Variants in KDM6B observed in about 807,000 individuals in gnomAD.
The protein encoded by KDM6B is lysine-specific demethylase 6B.
Under a neutral mutation model 150.4 loss-of-function variants are expected in KDM6B, and 22 were observed. That is an observed-to-expected ratio of 0.15 (90% confidence interval 0.10 to 0.21). The LOEUF is 0.21. Ranked by LOEUF, KDM6B falls within the 10% of genes least tolerant of loss-of-function variation. The probability of loss-of-function intolerance (pLI) is 1.00; values close to 1 mark genes in which losing one functional copy is unlikely to be tolerated. For missense variants in KDM6B, 1,984 were observed against 2,234.3 expected (o/e 0.89, Z 2.26); for synonymous variants, 1,148 against 921.1 (o/e 1.25, Z -4.46).
In KDM6B at chr17:7,853,605, C is replaced by CCAGGCA; in HGVS notation, c.*84_*85insCAGGCA. 9.0e-7 allele frequency: 1 copy of CCAGGCA among 1,112,966 alleles called. No individual in the cohort carries two copies. The highest frequency in any genetic ancestry group is 1.2e-6 in the Non-Finnish European group (1 of 856,680). 68.9% of individuals were successfully genotyped at this position (1,112,966 alleles called of 1,614,324 possible). A position where few individuals can be genotyped will look rare whatever the true frequency, so the allele number is the denominator to read the frequency against. ...TGCCTGGGCTGGACCTAGGTCCCGC[C>CCAGGCA]TGTGGCCGAGAAGGGGGTCGGGCCC... is the stretch of plus-strand genomic sequence containing the variant. On this transcript the variant is annotated 3_prime_UTR_variant, in exon 24 of 24. Coordinates refer to ENST00000448097, the MANE Select transcript of KDM6B (RefSeq NM_001348716.2).
In KDM6B at chr17:7,852,622, G is replaced by A. The variant is rs202039918; in HGVS notation, c.4596G>A (p.Leu1532=). 4.3e-5 allele frequency: 69 copies of A among 1,613,960 alleles called. No homozygotes were observed. Among genetic ancestry groups the A allele is most frequent in the Non-Finnish European group, 5.9e-6 (7 of 1,180,042 alleles). ...CGGTCAAAATCAGCGACCCCGACTT[G>A]TTCAAGATGATCAAGTGAGGACCCT... ...ARTVKISDPD[L]FKMIKFCLLQ... Residue 1532 remains leucine, a synonymous_variant, in exon 21 of 24, where the codon TTG becomes TTA. Coordinates refer to ENST00000448097, the MANE Select transcript of KDM6B (RefSeq NM_001348716.2).
rs1345745242 is a variant in KDM6B, at chr17:7,847,608, C to T, written c.1320C>T (p.Pro440=). The T allele has an allele frequency of 5.0e-6, 8 of 1,612,424 alleles. No individual in the cohort carries two copies. In the East Asian group the frequency reaches 1.3e-4, roughly 27 times the overall value. The change falls in exon 12 of 24, where the codon CCC becomes CCT. Residue 440 remains proline (P), a synonymous_variant. Coordinates refer to ENST00000448097, the MANE Select transcript of KDM6B (RefSeq NM_001348716.2). The part of the protein sequence containing the change: ...LEVSHHGRLG[P]SAHSSRKPFL... ...TCTCTCACCATGGCCGCCTGGGGCC[C>T]TCGGCACACAGCAGTCGGAAACCGT...
In KDM6B at chr17:7,853,538, CGCCT is replaced by C. The variant is rs757314591; in HGVS notation, c.*25_*28del. ...TCGCGATGAGGCCGGACGCCCCGCCCGCCTGCCTGCCCGCGCAAGGCGCCGCGGG... is the reference window on the plus strand; with the variant it reads ...TCGCGATGAGGCCGGACGCCCCGCCCGCCTGCCCGCGCAAGGCGCCGCGGG... On this transcript the variant is annotated 3_prime_UTR_variant, in exon 24 of 24. Coordinates refer to ENST00000448097, the MANE Select transcript of KDM6B (RefSeq NM_001348716.2). 1.4e-6 allele frequency: 2 copies of C among 1,437,612 alleles called. No individual in the cohort carries two copies. Among genetic ancestry groups the C allele is most frequent in the East Asian group, 3.1e-5 (1 of 32,694 alleles). The allele number at this position is 1,437,612 out of a possible 1,614,324, so 89.1% of individuals were successfully genotyped here.
Position 7,846,449 on chromosome 17 carries a change from T to C in KDM6B, c.506T>C (p.Val169Ala). Reference sequence around the variant, plus strand: ...GGCTCCTGCCAGCACCGAGCCAAGGTCCTGCCCCCACTGGAGCAAGTGTGG... The same window carrying C: ...GGCTCCTGCCAGCACCGAGCCAAGGCCCTGCCCCCACTGGAGCAAGTGTGG... ...HTGSCQHRAK[V>A]LPPLEQVWNL... The change falls in exon 8 of 24, where the codon GTC (valine) becomes GCC (alanine). Residue 169 changes from valine (V) to alanine (A), a missense_variant. Around this residue, in one of 13 missense-constraint regions of KDM6B, gnomAD observed 337 missense variants for 323.9 expected, o/e 1.04. Transcript: ENST00000448097. The C allele has an allele frequency of 6.3e-7, 1 of 1,576,984 alleles. No individual in the cohort carries two copies. Among genetic ancestry groups the C allele is most frequent in the South Asian group, 1.1e-5 (1 of 90,362 alleles).
At chr17:7,838,220 G>C (rs1325358027) in intron 1 of KDM6B, among the ~76,000 whole-genome samples, 25 of 78,248 alleles carry the variant, frequency 3.2e-4, no homozygotes, top group Admixed American at 1.2e-4. Context: ...TGGGTGGAGA[G>C]AGACTAGTGC....
chr17:7,849,483 G>C lies in KDM6B; in HGVS notation c.3195G>C (p.Pro1065=), dbSNP rs372614245. 1.9e-6 allele frequency: 3 copies of C among 1,612,586 alleles called. No individual in the cohort carries two copies. The highest frequency in any genetic ancestry group is 2.5e-6 in the Non-Finnish European group (3 of 1,179,892). The change falls in exon 12 of 24, where the codon CCG becomes CCC. Residue 1065 remains proline, a synonymous_variant. Coordinates refer to ENST00000448097, the MANE Select transcript of KDM6B (RefSeq NM_001348716.2). The part of the protein sequence containing the change: ...APAPSAQPTP[P]SASVPGKKAR... Reference sequence around the variant, plus strand: ...CACCTTCTGCCCAGCCCACACCCCCGTCAGCCTCTGTCCCTGGAAAGAAGG... The same window carrying C: ...CACCTTCTGCCCAGCCCACACCCCCCTCAGCCTCTGTCCCTGGAAAGAAGG...
chr17:7,847,573 G>T lies in KDM6B; in HGVS notation c.1285G>T (p.Ala429Ser). ...CGGCGCTGACCATTACCAAACTCCC[G>T]CGCTGGAGGTCTCTCACCATGGCCG... ...IPGADHYQTP[A>S]LEVSHHGRLG... The change falls in exon 12 of 24, where the codon GCG becomes TCG. Residue 429 changes from alanine to serine, a missense_variant. This residue lies in a region of KDM6B where 1,379 missense variants were observed against 1,275.6 expected (regional missense o/e 1.08). Coordinates refer to ENST00000448097, the MANE Select transcript of KDM6B (RefSeq NM_001348716.2). The T allele has an allele frequency of 1.2e-6, 2 of 1,613,204 alleles. No homozygotes were observed. Among genetic ancestry groups the T allele is most frequent in the South Asian group, 2.2e-5 (2 of 91,074 alleles).
chr17:7,852,346 T>G lies in KDM6B; in HGVS notation c.4468+10T>G, dbSNP rs973471057. On this transcript the variant is annotated intron_variant, in intron 20 of 23. Transcript: ENST00000448097. ...GTGGGGCCCCTCACCGGTGAGAGGGTGGGGCAGGTGTTGGCGTGGTGTGGC... is the reference window on the plus strand; with the variant it reads ...GTGGGGCCCCTCACCGGTGAGAGGGGGGGGCAGGTGTTGGCGTGGTGTGGC... The G allele has an allele frequency of 1.9e-6, 3 of 1,607,058 alleles. No homozygotes were observed. The highest frequency in any genetic ancestry group is 2.5e-6 in the Non-Finnish European group (3 of 1,177,612).
chr17:7,848,678 C>T lies in KDM6B; in HGVS notation c.2390C>T (p.Pro797Leu). Residue 797 changes from proline to leucine, a missense_variant, in exon 12 of 24, where the codon CCC (proline) becomes CTC (leucine). This residue lies in a region of KDM6B where 1,379 missense variants were observed against 1,275.6 expected (regional missense o/e 1.08). Coordinates refer to ENST00000448097, the MANE Select transcript of KDM6B (RefSeq NM_001348716.2). ...CAGCCACAGCCACCACCACCCCCACCCCCCAGCCCGGCCAGCCTGCTCAAA... is the reference window on the plus strand; with the variant it reads ...CAGCCACAGCCACCACCACCCCCACTCCCCAGCCCGGCCAGCCTGCTCAAA... ...PSQPQPPPPP[P>L]PSPASLLKSL... is the part of the protein sequence containing the mutation. The T allele has an allele frequency of 6.2e-7, 1 of 1,611,188 alleles. No homozygotes were observed. Among genetic ancestry groups the T allele is most frequent in the Non-Finnish European group, 8.5e-7 (1 of 1,179,542 alleles).
At chr17:7,851,591 G>A in intron 17 of KDM6B, 42 bp downstream of exon 17, 2 of 1,611,758 alleles carry the variant, frequency 1.2e-6, no homozygotes, top group Non-Finnish European at 1.7e-6. Context: ...CAGGAGTGCT[G>A]CTAGGACCTC....
Position 7,847,310 on chromosome 17 carries a change from C to T in KDM6B, c.1115C>T (p.Ser372Phe), listed in dbSNP as rs2078572318. ...ESRVQRSRMD[S>F]SVSPAATTAC... ...AGAGTTCAGAGGTCGCGGATGGACT[C>T]CAGCGTTTCACCAGCAGCAACCACC... The change falls in exon 11 of 24, where the codon TCC (serine) becomes TTC (phenylalanine). Residue 372 changes from serine (S) to phenylalanine (F), a missense_variant. Physicochemically the swap from Ser to Phe is radical, Grantham distance 155. This residue lies in a region of KDM6B where 1,379 missense variants were observed against 1,275.6 expected (regional missense o/e 1.08). Coordinates refer to ENST00000448097, the MANE Select transcript of KDM6B (RefSeq NM_001348716.2). 1.2e-6 allele frequency: 2 copies of T among 1,607,510 alleles called. No individual in the cohort carries two copies. The highest frequency in any genetic ancestry group is 1.3e-5 in the African/African-American group (1 of 74,928).
At position 7,851,932 on chromosome 17, in the gene KDM6B, T is replaced by A. The variant is rs772241212; in HGVS notation, c.4166-19T>A. The A allele has an allele frequency of 1.9e-6, 3 of 1,612,394 alleles. No individual in the cohort carries two copies. The highest frequency in any genetic ancestry group is 2.5e-6 in the Non-Finnish European group (3 of 1,178,990). On this transcript the variant is annotated intron_variant, in intron 18 of 23. Coordinates refer to ENST00000448097, the MANE Select transcript of KDM6B (RefSeq NM_001348716.2). ...GTTCCGACCTGGCCAGCCATGCCGTTCTCTGTCGACCCCTGCAGGCCACCA... is the reference window on the plus strand; with the variant it reads ...GTTCCGACCTGGCCAGCCATGCCGTACTCTGTCGACCCCTGCAGGCCACCA...
chr17:7,841,537 GAC>G (rs1351199223), intron 2 of KDM6B, among the ~76,000 whole-genome samples: 1 of 152,206 alleles, frequency 6.6e-6, no homozygotes, highest in African/African-American at 2.4e-5. Context: ...GAGCTAGGCA[GAC>G]ACACAGACAG....
At chr17:7,836,348 G>A (rs984679563) in intron 1 of KDM6B, among the ~76,000 whole-genome samples, 2 of 152,128 alleles carry the variant, frequency 1.3e-5, no homozygotes, top group African/African-American at 4.8e-5. Flanking sequence ...GTCCTTCTTC[G>A]CTTCTCCCGG....
intron 14 of KDM6B, 79 bp downstream of exon 14, chr17:7,850,256 T>C: frequency 8.4e-7 from 1 of 1,188,496 alleles, no homozygotes; most frequent in Non-Finnish European, 1.2e-6. Flanking sequence ...AATCCCACAC[T>C]TGAAGACTCA....
rs2078775348 is a variant in KDM6B, at chr17:7,854,657, G to C, written c.*1136G>C. On this transcript the variant is annotated 3_prime_UTR_variant, in exon 24 of 24. Coordinates refer to ENST00000448097, the MANE Select transcript of KDM6B (RefSeq NM_001348716.2). Reference sequence around the variant, plus strand: ...TTTCTCCACGCTGGGGCTGCGGAGGGGTGGGGGGTTTACAGTCCCGCACCC... The same window carrying C: ...TTTCTCCACGCTGGGGCTGCGGAGGCGTGGGGGGTTTACAGTCCCGCACCC... 6.3e-6 allele frequency: 1 copy of C among 158,582 alleles called. No individual in the cohort carries two copies. Among genetic ancestry groups the C allele is most frequent in the African/African-American group, 2.4e-5 (1 of 41,526 alleles). 9.8% of individuals were successfully genotyped at this position (158,582 alleles called of 1,614,324 possible).
chr17:7,849,020 CTGAGGT>C lies in KDM6B; in HGVS notation c.2733_2738del (p.Glu912_Val913del). The C allele has an allele frequency of 6.8e-7, 1 of 1,480,062 alleles. No individual in the cohort carries two copies. Among genetic ancestry groups the C allele is most frequent in the Non-Finnish European group, 9.1e-7 (1 of 1,097,840 alleles). The allele number at this position is 1,480,062 out of a possible 1,614,324, so 91.7% of individuals were successfully genotyped here. On this transcript the variant is annotated inframe_deletion, in exon 12 of 24. Transcript: ENST00000448097. ...TCTCTGCCCCCTGCTCGCTCTGAGT[CTGAGGT>C]GCTAGAAGAGATCAGCCGGGCTTGC... is the stretch of plus-strand genomic sequence containing the variant.
chr17:7,846,370 T>TGGGGGGGGGGGGGGGG, intron 7 of KDM6B, 30 bp from the exon 8 acceptor site: 1 of 1,501,962 alleles, frequency 6.7e-7, no homozygotes, highest in Non-Finnish European at 9.1e-7. Flanking sequence ...ACCTGACATC[T>TGGGGGGGGGGGGGGGG]GCCCCTGCCC....
intron 7 of KDM6B, 38 bp downstream of exon 7, chr17:7,846,335 A>G: frequency 6.3e-7 from 1 of 1,588,872 alleles, no homozygotes; most frequent in Non-Finnish European, 8.6e-7. Flanking sequence ...GGATTGTACG[A>G]TTGTGCCTTC....
Sources: allele counts gnomAD v4.1 joint callset (sites outside exome capture counted in the v4.1 genomes callset), GRCh38; gene constraint gnomAD v4.1.1; regional missense constraint gnomAD v4.1.1; transcripts MANE v1.5; gene names NCBI Gene and HGNC (gene_info 2026-07-23, HGNC 2026-07-21).